The following SHTN1 variants were observed in gnomAD, a reference collection of about 807,000 sequenced individuals.
SHTN1 encodes the protein shootin-1.
In SHTN1, 42 loss-of-function variants were observed where a neutral mutation model predicts 83.1. The observed-to-expected ratio is 0.51, with a 90% CI of 0.39 to 0.65. The LOEUF (loss-of-function observed/expected upper bound fraction) is 0.65. Ranked by LOEUF, SHTN1 falls within the 30% of genes least tolerant of loss-of-function variation. SHTN1 has a pLI of 0.00. For missense variants in SHTN1, 622 were observed against 737.8 expected (o/e 0.84, Z 1.82); for synonymous variants, 224 against 247.7 (o/e 0.90, Z 0.90).
Position 117,043,299 on chromosome 10 carries a change from A to G in SHTN1, c.-123+5146T>C, listed in dbSNP as rs543139775. 1.1e-4 allele frequency among the ~76,000 whole-genome samples: 17 copies of G among 151,998 alleles called. No individual in the cohort carries two copies. The East Asian group carries it at 3.3e-3, about 29-fold the overall frequency. On this transcript the variant is annotated intron_variant, in intron 2 of 17. Transcript: ENST00000392901. ...CAGGTGCCCACCACCACGCCTGGCT[A>G]ATTTTTTTGTATTTTTAGTAGAGAC...
chr10:117,093,482 T>A (rs529356211), intron 1 of SHTN1, among the ~76,000 whole-genome samples: 1 of 152,108 alleles, frequency 6.6e-6, no homozygotes, highest in Non-Finnish European at 1.5e-5. Flanking sequence ...GCCACTGCAC[T>A]CCAGCTGGGG....
intron 2 of SHTN1, among the ~76,000 whole-genome samples, chr10:117,036,146 C>A (rs1852493842): frequency 1.3e-5 from 2 of 151,864 alleles, no homozygotes; most frequent in Non-Finnish European, 2.9e-5. Flanking sequence ...CAAATGCTGA[C>A]AAGGATGTGA....
At chr10:117,111,427 G>A (rs946807425) in intron 1 of SHTN1, among the ~76,000 whole-genome samples, 2 of 151,844 alleles carry the variant, frequency 1.3e-5, no homozygotes, top group African/African-American at 4.8e-5. Context: ...CCAGGTAGCT[G>A]GGACTACAGG....
intron 2 of SHTN1, among the ~76,000 whole-genome samples, chr10:116,969,621 A>T (rs760359855): frequency 2.0e-5 from 3 of 152,250 alleles, no homozygotes; most frequent in Non-Finnish European, 2.9e-5. Flanking sequence ...TTTAATTTAA[A>T]AAGGTGGGAG....
At chr10:117,107,089 T>C (rs1274295435) in intron 1 of SHTN1, among the ~76,000 whole-genome samples, 1 of 152,226 alleles carries the variant, frequency 6.6e-6, no homozygotes, top group Non-Finnish European at 1.5e-5. Context: ...GACTTATCTC[T>C]AACTATGAGG....
chr10:117,058,150 C>A (rs1254429721), intron 1 of SHTN1, among the ~76,000 whole-genome samples: 5 of 151,984 alleles, frequency 3.3e-5, no homozygotes, highest in Non-Finnish European at 5.9e-5. Context: ...CAAAAACAAG[C>A]AACAAAAGGA....
chr10:117,050,203 A>C (rs1484907584), intron 1 of SHTN1, among the ~76,000 whole-genome samples: 1 of 152,180 alleles, frequency 6.6e-6, no homozygotes, highest in Non-Finnish European at 1.5e-5. Flanking sequence ...TCAATAAAAC[A>C]AAGCCTTCTT....
chr10:117,040,504 AAAATT>A (rs765489766), intron 2 of SHTN1, among the ~76,000 whole-genome samples: 9 of 152,346 alleles, frequency 5.9e-5, no homozygotes, highest in South Asian at 2.1e-4. Flanking sequence ...TGGCTAAAAT[AAAATT>A]AAAAGAATGT....
chr10:117,079,166 C>T (rs1231823261), intron 1 of SHTN1, among the ~76,000 whole-genome samples: 3 of 142,212 alleles, frequency 2.1e-5, no homozygotes, highest in Non-Finnish European at 4.6e-5. Context: ...GGTATATCTC[C>T]CAATGCTATC....
intron 2 of SHTN1, among the ~76,000 whole-genome samples, chr10:117,046,578 A>G (rs1188272522): frequency 6.6e-6 from 1 of 152,258 alleles, no homozygotes; most frequent in Non-Finnish European, 1.5e-5. Context: ...GAATATTCAT[A>G]GTAGTATTGT....
intron 3 of SHTN1, among the ~76,000 whole-genome samples, chr10:116,966,768 T>G (rs903378018): frequency 1.3e-5 from 2 of 152,226 alleles, no homozygotes; most frequent in Non-Finnish European, 2.9e-5. Flanking sequence ...CATAAGGAAC[T>G]TGAACTATTC....
At chr10:117,029,675 C>G (rs1852379899) in intron 2 of SHTN1, among the ~76,000 whole-genome samples, 1 of 152,088 alleles carries the variant, frequency 6.6e-6, no homozygotes, top group Non-Finnish European at 1.5e-5. Flanking sequence ...GTGGCACCTC[C>G]CTCCACCTTC....
At chr10:117,013,320 C>A (rs956798105) in intron 2 of SHTN1, among the ~76,000 whole-genome samples, 1 of 152,026 alleles carries the variant, frequency 6.6e-6, no homozygotes, top group African/African-American at 2.4e-5. Context: ...GCTACAGGCA[C>A]CCGCCACCAC....
upstream of SHTN1, among the ~76,000 whole-genome samples, chr10:117,009,368 TG>T (rs1589893800): frequency 6.6e-6 from 1 of 151,998 alleles, no homozygotes; most frequent in Non-Finnish European, 1.5e-5. Flanking sequence ...AGGCAAACAC[TG>T]GCAGGATGCA....
At chr10:116,919,603 A>C (rs1848485376) in intron 12 of SHTN1, among the ~76,000 whole-genome samples, 1 of 152,206 alleles carries the variant, frequency 6.6e-6, no homozygotes, top group Non-Finnish European at 1.5e-5. Context: ...AGGAAAATTC[A>C]TTTTATTCCA....
intron 1 of SHTN1, among the ~76,000 whole-genome samples, chr10:117,062,869 C>A (rs1337401634): frequency 6.6e-6 from 1 of 152,000 alleles, no homozygotes; most frequent in Non-Finnish European, 1.5e-5. Context: ...CATGGCAAGG[C>A]ATAGGTAATT....
intron 2 of SHTN1, among the ~76,000 whole-genome samples, chr10:117,045,352 A>G (rs529492931): frequency 1.3e-5 from 2 of 152,322 alleles, no homozygotes; most frequent in Admixed American, 1.3e-4. Context: ...GCTGAGAAAC[A>G]TAAAGGTCAC....
chr10:117,101,864 C>T (rs1161011399), intron 1 of SHTN1, among the ~76,000 whole-genome samples: 2 of 151,994 alleles, frequency 1.3e-5, no homozygotes, highest in Admixed American at 1.3e-4. Flanking sequence ...AGGTTCCTTC[C>T]AACATGAGAT....
At chr10:117,043,896 A>G (rs1852624155) in intron 2 of SHTN1, among the ~76,000 whole-genome samples, 1 of 152,120 alleles carries the variant, frequency 6.6e-6, no homozygotes. Flanking sequence ...AGGGGCTTTT[A>G]GGGGAAAATA....
Sources: gnomAD v4.1 joint callset for allele counts (sites outside exome capture counted in the v4.1 genomes callset) on GRCh38, gnomAD v4.1.1 for gene constraint, MANE v1.5 for transcripts, NCBI Gene and HGNC (gene_info 2026-07-23, HGNC 2026-07-21) for gene names.